The following SETD2 variants were observed in gnomAD, a reference collection of about 807,000 sequenced individuals.
The protein encoded by SETD2 is histone-lysine N-methyltransferase SETD2.
SETD2 carries 31 observed loss-of-function variants against 242.1 expected under a neutral mutation model. The observed-to-expected ratio is 0.13, with a 90% CI of 0.10 to 0.17. The LOEUF is 0.17. Among genes scored for constraint, SETD2 ranks in the 10% least tolerant of loss-of-function variants. SETD2 has a pLI of 1.00. For synonymous variants in SETD2, 1,006 were observed against 1,066.5 expected (o/e 0.94, Z 1.11); for missense variants, 2,481 against 3,046.3 (o/e 0.81, Z 4.37).
At position 47,149,446 on chromosome 3, in the gene SETD2, G is replaced by C. The variant is rs540313385; in HGVS notation, c.71+14408C>G. ...GAGGAATTATTAGATATAGTAGAAG[G>C]ACTCCCTACACTAGACACCTCTTAT... On this transcript the variant is annotated intron_variant, in intron 1 of 20. Transcript: ENST00000409792. Among the ~76,000 whole-genome samples, 11 of 151,796 alleles carry C rather than the reference G, an allele frequency of 7.2e-5. No homozygotes were observed. The South Asian group carries it at 1.3e-3, about 17-fold the overall frequency.
At position 47,130,078 on chromosome 3, in the gene SETD2, A is replaced by G. The variant is rs2043442700; in HGVS notation, c.72-3415T>C. ...AATTTATAATTGAGCTCATTAGCATACTTATTCTATTTTTGTTGAAGGGAT... is the reference window on the plus strand; with the variant it reads ...AATTTATAATTGAGCTCATTAGCATGCTTATTCTATTTTTGTTGAAGGGAT... On this transcript the variant is annotated intron_variant, in intron 1 of 20. Transcript: ENST00000409792. Among the ~76,000 whole-genome samples the G allele has an allele frequency of 2.0e-5, 3 of 152,172 alleles. No individual in the cohort carries two copies. In the South Asian group the frequency reaches 6.2e-4, roughly 31 times the overall value.
In SETD2 at chr3:47,103,406, T is replaced by C. The variant is rs777208502; in HGVS notation, c.4857A>G (p.Gln1619=). The part of the protein sequence containing the change: ...LKNDEIIDAT[Q]KGNCSRFMNH... ...TCATGAAACGAGAGCAATTTCCTTT[T>C]TGAGTGGCATCTATTATCTGGGAGA... Residue 1619 remains glutamine, a synonymous_variant, in exon 7 of 21, where the codon CAA becomes CAG. Coordinates refer to ENST00000409792, the MANE Select transcript of SETD2 (RefSeq NM_014159.7). 5.6e-6 allele frequency: 9 copies of C among 1,611,582 alleles called. No homozygotes were observed. The highest frequency in any genetic ancestry group is 7.6e-6 in the Non-Finnish European group (9 of 1,177,894).
intron 17 of SETD2, chr3:47,041,437 C>CAGG (rs2039272783): frequency 2.4e-6 from 1 of 415,218 alleles, no homozygotes; most frequent in African/African-American, 2.1e-5. Context: ...CGCTTGAAGC[C>CAGG]AGGAGTTCGT....
At chr3:47,089,248 C>G (rs1459241054) in intron 9 of SETD2, among the ~76,000 whole-genome samples, 3 of 152,108 alleles carry the variant, frequency 2.0e-5, no homozygotes, top group African/African-American at 7.2e-5. Context: ...GAGTTTAAGA[C>G]CAGCCTGGGC....
At chr3:47,063,545 C>A (rs1006616675) in intron 13 of SETD2, among the ~76,000 whole-genome samples, 17 of 152,104 alleles carry the variant, frequency 1.1e-4, no homozygotes, top group Admixed American at 2.6e-4. Flanking sequence ...GTATTAATAA[C>A]CTTCTTAATT....
chr3:47,112,738 C>T (rs926142693), intron 5 of SETD2, among the ~76,000 whole-genome samples: 16 of 151,558 alleles, frequency 1.1e-4, no homozygotes, highest in Admixed American at 6.6e-4. Flanking sequence ...TATAGGCGTG[C>T]GCCACCACAC....
In SETD2 at chr3:47,083,983, G is replaced by C. The variant is rs748296881; in HGVS notation, c.5797C>G (p.Leu1933Val). ...TCACTATCAACTTTGCATTCAGGCAGCTGTTGTGGGAGTAGCTGTTGTGAC... is the reference window on the plus strand; with the variant it reads ...TCACTATCAACTTTGCATTCAGGCACCTGTTGTGGGAGTAGCTGTTGTGAC... Reference protein sequence around the residue: ...LQSQQLLPQQLPECKVDSETN... With the variant: ...LQSQQLLPQQVPECKVDSETN... Residue 1933 changes from leucine (L) to valine (V), a missense_variant, in exon 12 of 21, where the codon CTG becomes GTG. Leu to Val is a conservative substitution (Grantham distance 32, BLOSUM62 1). Around this residue, in one of 17 missense-constraint regions of SETD2, gnomAD observed 203 missense variants for 222.4 expected, o/e 0.91. Transcript: ENST00000409792. The C allele has an allele frequency of 2.2e-5, 36 of 1,614,014 alleles. No individual in the cohort carries two copies. Among genetic ancestry groups the C allele is most frequent in the African/African-American group, 2.7e-5 (2 of 74,924 alleles).
At chr3:47,105,327 T>C (rs1341745952) in intron 6 of SETD2, among the ~76,000 whole-genome samples, 3 of 151,036 alleles carry the variant, frequency 2.0e-5, no homozygotes, top group African/African-American at 2.4e-5. Context: ...CAAGAATCGC[T>C]TGAACCCGGG....
chr3:47,152,672 T>C (rs1049348688), intron 1 of SETD2, among the ~76,000 whole-genome samples: 12 of 151,992 alleles, frequency 7.9e-5, no homozygotes, highest in Admixed American at 2.0e-4. Flanking sequence ...ATGAAGCAAA[T>C]AGTGTTGATT....
rs777220690 is a variant in SETD2 at position 47,122,191 on chromosome 3, T to A, written c.2445A>T (p.Ser815=). 1 of 1,614,056 alleles carries A rather than the reference T, an allele frequency of 6.2e-7. No homozygotes were observed. ...CNSEAENIEP[S]VMKISSNSFM... is the part of the protein sequence containing the mutation. ...AGCTATTTGAAGAAATCTTCATAAC[T>A]GAAGGCTCAATATTTTCAGCTTCAG... The change falls in exon 3 of 21, where the codon TCA becomes TCT. Residue 815 remains serine, a synonymous_variant. Transcript: ENST00000409792.
chr3:47,064,517 C>A, intron 13 of SETD2: 1 of 223,710 alleles, frequency 4.5e-6, no homozygotes, highest in Non-Finnish European at 1.0e-5. Context: ...GTGACTATTT[C>A]TTCACTATAC....
rs747477368 is a variant in SETD2 at position 47,121,593 on chromosome 3, C to T, written c.3043G>A (p.Val1015Ile). ...CTGTCACACTTTAATGCATAAGTTA[C>T]ACCATCACTGTCTTCCATGGTTAAA... ...LNLTMEDSDG[V>I]TYALKCDSSG... The change falls in exon 3 of 21, where the codon GTA becomes ATA. Residue 1015 changes from valine (V) to isoleucine (I), a missense_variant. Val to Ile is a conservative substitution (Grantham distance 29, BLOSUM62 3). Transcript: ENST00000409792. 4.5e-5 allele frequency: 72 copies of T among 1,614,068 alleles called. No homozygotes were observed. The highest frequency in any genetic ancestry group is 5.8e-5 in the Non-Finnish European group (68 of 1,180,042).
chr3:47,089,257 G>C (rs2041695366), intron 9 of SETD2, among the ~76,000 whole-genome samples: 1 of 152,122 alleles, frequency 6.6e-6, no homozygotes, highest in African/African-American at 2.4e-5. Flanking sequence ...ACCAGCCTGG[G>C]CAACACAGCC....
At chr3:47,058,788 G>A (rs1449492133) in intron 14 of SETD2, among the ~76,000 whole-genome samples, 1 of 151,868 alleles carries the variant, frequency 6.6e-6, no homozygotes, top group Middle Eastern at 3.4e-3. Flanking sequence ...ACTACAAAGG[G>A]GCACAGGGGA....
At chr3:47,061,108 C>A (rs532777336) in intron 14 of SETD2, among the ~76,000 whole-genome samples, 91 of 152,274 alleles carry the variant, frequency 6.0e-4, no homozygotes, top group African/African-American at 2.1e-3. Flanking sequence ...GTTCCAGCTA[C>A]TCAGGAGGCT....
intron 4 of SETD2, among the ~76,000 whole-genome samples, 166 bp downstream of exon 4, chr3:47,116,457 C>T (rs1475237188): frequency 6.6e-6 from 1 of 152,138 alleles, no homozygotes; most frequent in Non-Finnish European, 1.5e-5. Flanking sequence ...ATTTGTTTCC[C>T]TATTAATATG....
At chr3:47,105,579 A>C (rs1441426316) in intron 6 of SETD2, 2 of 315,262 alleles carry the variant, frequency 6.3e-6, no homozygotes, top group East Asian at 1.1e-4. Context: ...TTTGAAAACA[A>C]ATAGACGCTA....
At chr3:47,019,188 G>A (rs2038108917) in intron 19 of SETD2, among the ~76,000 whole-genome samples, 2 of 152,210 alleles carry the variant, frequency 1.3e-5, no homozygotes, top group Admixed American at 1.3e-4. Flanking sequence ...GAATTAGGCA[G>A]CTACCAAATG....
chr3:47,158,761 T>G (rs1463180645), intron 1 of SETD2, among the ~76,000 whole-genome samples: 2 of 152,212 alleles, frequency 1.3e-5, no homozygotes, highest in African/African-American at 2.4e-5. Flanking sequence ...CTAACTCCCA[T>G]GTTTGATCAA....
Sources: allele counts gnomAD v4.1 joint callset (sites outside exome capture counted in the v4.1 genomes callset), GRCh38; gene constraint gnomAD v4.1.1; regional missense constraint gnomAD v4.1.1; transcripts MANE v1.5; gene names NCBI Gene and HGNC (gene_info 2026-07-23, HGNC 2026-07-21).